Variants in MTF1 observed in about 807,000 individuals in gnomAD.
MTF1 encodes MRE-binding transcription factor.
MTF1 carries 22 observed loss-of-function variants against 70.4 expected under a neutral mutation model. That is an observed-to-expected ratio of 0.31 (90% CI 0.22 to 0.45). The LOEUF is 0.45. Ranked by LOEUF, MTF1 falls within the 20% of genes least tolerant of loss-of-function variation. The pLI is 1.00. For missense variants in MTF1, 649 were observed against 922.0 expected, an observed-to-expected ratio of 0.70 and a Z score of 3.83; for synonymous variants, 333 against 352.8, an observed-to-expected ratio of 0.94 and a Z score of 0.63.
intron 7 of MTF1, chr1:37,828,272 G>A: frequency 2.7e-6 from 1 of 371,226 alleles, no homozygotes; most frequent in Non-Finnish European, 5.2e-6. Flanking sequence ...ATGTGAGGGG[G>A]GGGCCTCTGG....
chr1:37,821,489 TA>T (rs1640910528), intron 9 of MTF1, among the ~76,000 whole-genome samples: 1 of 152,182 alleles, frequency 6.6e-6, no homozygotes, highest in Non-Finnish European at 1.5e-5. Context: ...TATGTTTTTA[TA>T]AAAAATAAAT....
Position 37,809,576 on chromosome 1 carries a change from T to TA in MTF1, c.*5559dup, listed in dbSNP as rs1640667711. 6.4e-6 allele frequency: 1 copy of TA among 156,704 alleles called. No homozygotes were observed. Among genetic ancestry groups the TA allele is most frequent in the South Asian group, 1.7e-4 (1 of 5,800 alleles). 9.7% of individuals were successfully genotyped at this position (156,704 alleles called of 1,614,324 possible). A position where few individuals can be genotyped will look rare whatever the true frequency, so the allele number is the denominator to read the frequency against. On this transcript the variant is annotated 3_prime_UTR_variant, in exon 11 of 11. Coordinates refer to ENST00000373036, the MANE Select transcript of MTF1 (RefSeq NM_005955.3). ...GAAATGCCACAGATACTACCAGATT[T>TA]AAATAAGCATTTAATTAGGATTTCA...
Position 37,815,007 on chromosome 1 carries a change from C to A in MTF1, c.*129G>T. 1 of 743,656 alleles carries A rather than the reference C, an allele frequency of 1.3e-6. No homozygotes were observed. 46.1% of individuals were successfully genotyped at this position (743,656 alleles called of 1,614,324 possible). On this transcript the variant is annotated 3_prime_UTR_variant, in exon 11 of 11. Coordinates refer to ENST00000373036, the MANE Select transcript of MTF1 (RefSeq NM_005955.3). The surrounding 1 kb of genome is among the most constrained non-coding windows in gnomAD (Gnocchi z 4.5). ...TCCTGGGATGTGAATAAAGAAAATA[C>A]GTCTGAAAGGTGAGGATTTCAAACA...
intron 4 of MTF1, among the ~76,000 whole-genome samples, chr1:37,835,952 C>G (rs986956049): frequency 1.3e-5 from 2 of 152,052 alleles, no homozygotes; most frequent in African/African-American, 4.8e-5. Flanking sequence ...AGGTGCCCAC[C>G]ACCACGCCCA....
Position 37,853,942 on chromosome 1 carries a change from T to C in MTF1, c.408+3309A>G, listed in dbSNP as rs180976764. On this transcript the variant is annotated intron_variant, in intron 2 of 10. Transcript: ENST00000373036. Reference sequence around the variant, plus strand: ...TTTATAAATGTTTGTTGAGTTGAAATGAACCCCCCTACAAGCTCAAATATT... The same window carrying C: ...TTTATAAATGTTTGTTGAGTTGAAACGAACCCCCCTACAAGCTCAAATATT... Among the ~76,000 whole-genome samples, 3 of 152,364 alleles carry C rather than the reference T, an allele frequency of 2.0e-5. No homozygotes were observed. In the East Asian group the frequency reaches 5.8e-4, roughly 29 times the overall value.
intron 4 of MTF1, 33 bp from the exon 5 acceptor site, chr1:37,835,777 A>T: frequency 1.3e-6 from 2 of 1,540,484 alleles, no homozygotes; most frequent in Non-Finnish European, 1.8e-6. Flanking sequence ...AACAGGAGTC[A>T]TTAGCTAATA....
chr1:37,858,193 G>C (rs1309249205), intron 1 of MTF1, among the ~76,000 whole-genome samples: 3 of 152,126 alleles, frequency 2.0e-5, no homozygotes, highest in Non-Finnish European at 4.4e-5. Context: ...CAAATCTTAA[G>C]GGAAACTCCA....
At chr1:37,816,674 CAAAAAA>C (rs35764920) in intron 10 of MTF1, among the ~76,000 whole-genome samples, 2 of 96,060 alleles carry the variant, frequency 2.1e-5, no homozygotes, top group Non-Finnish European at 3.9e-5. Flanking sequence ...GACTCCATCT[CAAAAAA>C]AAAAAAAAAA....
intron 9 of MTF1, among the ~76,000 whole-genome samples, chr1:37,819,532 T>G (rs1640878339): frequency 6.6e-6 from 1 of 152,222 alleles, no homozygotes; most frequent in Admixed American, 6.5e-5. Flanking sequence ...TTCCACTTTC[T>G]TGAAGTCTTA....
chr1:37,858,093 C>A (rs1000941852), intron 1 of MTF1, among the ~76,000 whole-genome samples: 6 of 151,548 alleles, frequency 4.0e-5, no homozygotes, highest in African/African-American at 1.5e-4. Flanking sequence ...CTTCTGAATA[C>A]GCCTGTCAAA....
At chr1:37,826,592 T>C in intron 7 of MTF1, 1 of 454,166 alleles carries the variant, frequency 2.2e-6, no homozygotes. Context: ...CTTCTACGTC[T>C]ATCAGCTGAA....
At chr1:37,838,493 C>T (rs1192442020) in intron 4 of MTF1, 132 bp downstream of exon 4, 7 of 665,418 alleles carry the variant, frequency 1.1e-5, no homozygotes, top group Non-Finnish European at 1.7e-5. Flanking sequence ...TATAGCTGTC[C>T]TGGGGTGAGC....
chr1:37,834,440 C>T (rs1641133665), intron 6 of MTF1, among the ~76,000 whole-genome samples: 1 of 151,884 alleles, frequency 6.6e-6, no homozygotes, highest in Non-Finnish European at 1.5e-5. Flanking sequence ...GGAAAGACTG[C>T]TTGGACCTTA....
At chr1:37,845,076 C>A (rs1641313496) in intron 2 of MTF1, among the ~76,000 whole-genome samples, 1 of 152,204 alleles carries the variant, frequency 6.6e-6, no homozygotes, top group South Asian at 2.1e-4. Flanking sequence ...TCCATGAGAG[C>A]AAGGACTACG....
At chr1:37,854,537 T>C (rs919960934) in intron 2 of MTF1, among the ~76,000 whole-genome samples, 3 of 152,164 alleles carry the variant, frequency 2.0e-5, no homozygotes, top group East Asian at 1.9e-4. Context: ...AGTATGACAA[T>C]ACAAAATGTT....
At chr1:37,849,538 C>T (rs1034748098) in intron 2 of MTF1, among the ~76,000 whole-genome samples, 7 of 152,170 alleles carry the variant, frequency 4.6e-5, no homozygotes, top group Admixed American at 1.3e-4. Flanking sequence ...ATTTTGCATA[C>T]GATTCCTAGG....
intron 3 of MTF1, 113 bp downstream of exon 3, chr1:37,839,807 G>T: frequency 1.2e-6 from 1 of 815,378 alleles, no homozygotes; most frequent in Non-Finnish European, 2.0e-6. Context: ...GAACACAGCT[G>T]CGCTCTTTTA....
At chr1:37,856,236 G>A (rs1206557447) in intron 2 of MTF1, among the ~76,000 whole-genome samples, 1 of 135,624 alleles carries the variant, frequency 7.4e-6, no homozygotes, top group African/African-American at 2.7e-5. Context: ...GGAGTGCAGT[G>A]GCACGATCTT....
At chr1:37,832,519 T>C (rs1056355670) in intron 6 of MTF1, among the ~76,000 whole-genome samples, 197 bp from the exon 7 acceptor site, 4 of 152,212 alleles carry the variant, frequency 2.6e-5, no homozygotes, top group African/African-American at 9.6e-5. Flanking sequence ...CTAGGGTACA[T>C]GTGCACAATG....
Sources: allele counts gnomAD v4.1 joint callset (sites outside exome capture counted in the v4.1 genomes callset), GRCh38; gene constraint gnomAD v4.1.1; non-coding constraint Gnocchi (gnomAD v3.1); transcripts MANE v1.5; gene names NCBI Gene and HGNC (gene_info 2026-07-23, HGNC 2026-07-21).